The following PPFIA2 variants were observed in gnomAD, a reference collection of about 807,000 sequenced individuals.
PPFIA2 encodes PPFI scaffold protein A2.
A neutral mutation model predicts 175.5 loss-of-function variants in PPFIA2; 46 were observed. That is an observed-to-expected ratio of 0.26 (90% confidence interval 0.21 to 0.34). PPFIA2 has a LOEUF of 0.34. Ranked by LOEUF, PPFIA2 falls within the 10% of genes least tolerant of loss-of-function variation. The pLI is 1.00. For missense variants in PPFIA2, 1,179 were observed against 1,506.1 expected (o/e 0.78, Z 3.60); for synonymous variants, 568 against 511.4 (o/e 1.11, Z -1.49).
intron 29 of PPFIA2, 54 bp downstream of exon 29, chr12:81,267,858 G>A: frequency 6.8e-7 from 1 of 1,470,272 alleles, no homozygotes; most frequent in African/African-American, 1.5e-5. Flanking sequence ...TAAAAGTTTA[G>A]TTTATCATTA....
intron 4 of PPFIA2, among the ~76,000 whole-genome samples, chr12:81,464,053 C>T (rs1011707903): frequency 6.6e-6 from 1 of 151,998 alleles, no homozygotes; most frequent in Non-Finnish European, 1.5e-5. Context: ...CTTCCCCGCT[C>T]CCATCATTTT....
At chr12:81,261,494 A>T (rs1358172402) in intron 32 of PPFIA2, among the ~76,000 whole-genome samples, 2 of 152,156 alleles carry the variant, frequency 1.3e-5, no homozygotes, top group Middle Eastern at 3.4e-3. Context: ...TTTAATATGA[A>T]ACCATCTCTA....
intron 22 of PPFIA2, chr12:81,302,069 C>T (rs185525892): frequency 2.7e-5 from 8 of 298,334 alleles, no homozygotes; most frequent in South Asian, 8.3e-5. Context: ...TAAATAAATA[C>T]GTGTAAATGT....
chr12:81,699,806 T>C (rs565505342), intron 3 of PPFIA2, among the ~76,000 whole-genome samples: 7 of 152,218 alleles, frequency 4.6e-5, no homozygotes, highest in East Asian at 1.9e-4. Context: ...CTAGTCCATG[T>C]AGAACTAAAA....
chr12:81,296,212 G>A lies in PPFIA2; in HGVS notation c.2725-1177C>T, dbSNP rs562364508. Reference sequence around the variant, plus strand: ...CAGATGCCTGTAATTCCAGCTACGGGGGAGGCTGAGGCACGAGAATTGCTT... The same window carrying A: ...CAGATGCCTGTAATTCCAGCTACGGAGGAGGCTGAGGCACGAGAATTGCTT... On this transcript the variant is annotated intron_variant, in intron 23 of 32. Transcript: ENST00000549396. 9.2e-5 allele frequency among the ~76,000 whole-genome samples: 14 copies of A among 152,236 alleles called. No homozygotes were observed. In the South Asian group the frequency reaches 2.9e-3, roughly 32 times the overall value.
chr12:81,622,925 G>C (rs914259549), intron 4 of PPFIA2, among the ~76,000 whole-genome samples: 4 of 152,042 alleles, frequency 2.6e-5, no homozygotes, highest in African/African-American at 9.7e-5. Flanking sequence ...TAGTCCAGAA[G>C]AAAATTAAAC....
intron 5 of PPFIA2, among the ~76,000 whole-genome samples, chr12:81,453,690 A>T (rs116459946): frequency 0.015 from 2,293 of 152,172 alleles, 61 homozygotes; most frequent in African/African-American, 0.051. Context: ...TATTATAATG[A>T]TTTTATTAGG....
At chr12:81,754,259 G>T (rs934971767) in intron 2 of PPFIA2, 36 bp from the exon 3 acceptor site, 11 of 1,548,774 alleles carry the variant, frequency 7.1e-6, no homozygotes, top group African/African-American at 1.4e-5. Context: ...TCTTAGTAAA[G>T]AAATGATTTC....
At chr12:81,279,452 C>T (rs1207895999) in intron 27 of PPFIA2, 1 of 151,964 alleles carries the variant, frequency 6.6e-6, no homozygotes, top group African/African-American at 2.4e-5. Flanking sequence ...ACCAATGCTT[C>T]TTGGTCAGTT....
intron 4 of PPFIA2, among the ~76,000 whole-genome samples, chr12:81,665,459 T>C (rs533840770): frequency 6.6e-6 from 1 of 152,194 alleles, no homozygotes; most frequent in African/African-American, 2.4e-5. Flanking sequence ...AGTTCCTATT[T>C]CTTTGCTCAC....
In PPFIA2 at chr12:81,371,343, T is replaced by C. The variant is rs1179471541; in HGVS notation, c.1267-2149A>G. Among the ~76,000 whole-genome samples the C allele has an allele frequency of 1.1e-4, 6 of 53,650 alleles. No individual in the cohort carries two copies. The East Asian group carries it at 1.6e-3, about 14-fold the overall frequency. 35.2% of individuals were successfully genotyped at this position (53,650 alleles called of 152,430 possible). ...TTAGAGTAAGTGGATCAAAATGTTG[T>C]TGAAATTATATAATCTAAATTCATA... On this transcript the variant is annotated intron_variant, in intron 11 of 32. Coordinates refer to ENST00000549396, the MANE Select transcript of PPFIA2 (RefSeq NM_003625.5).
chr12:81,473,233 C>A (rs1303777193), intron 4 of PPFIA2, among the ~76,000 whole-genome samples: 4 of 152,110 alleles, frequency 2.6e-5, no homozygotes, highest in African/African-American at 9.7e-5. Context: ...CATGGTGAAA[C>A]CTTGTCTCTA....
chr12:81,297,896 T>A (rs1190241792), intron 23 of PPFIA2, among the ~76,000 whole-genome samples: 4 of 152,232 alleles, frequency 2.6e-5, no homozygotes, highest in African/African-American at 4.8e-5. Context: ...ATTGGATCAC[T>A]CAGCTCATTC....
intron 23 of PPFIA2, among the ~76,000 whole-genome samples, chr12:81,295,363 T>C (rs1195025921): frequency 6.6e-6 from 1 of 152,232 alleles, no homozygotes; most frequent in Non-Finnish European, 1.5e-5. Context: ...CCAGAACGGC[T>C]ACAAGCCACA....
intron 24 of PPFIA2, among the ~76,000 whole-genome samples, chr12:81,293,979 C>A (rs1014977512): frequency 6.6e-6 from 1 of 152,056 alleles, no homozygotes; most frequent in African/African-American, 2.4e-5. Flanking sequence ...AAACTAATGT[C>A]TTTTGTAGCA....
At chr12:81,506,131 G>A (rs1192799153) in intron 4 of PPFIA2, 2 of 152,232 alleles carry the variant, frequency 1.3e-5, no homozygotes, top group Admixed American at 6.5e-5. Context: ...GAACCAGAAT[G>A]AGGATGTCAG....
intron 4 of PPFIA2, among the ~76,000 whole-genome samples, chr12:81,615,441 A>C (rs1431120669): frequency 6.6e-6 from 1 of 152,182 alleles, no homozygotes; most frequent in Non-Finnish European, 1.5e-5. Flanking sequence ...AAGTGAATGC[A>C]AATAGAGAAA....
At chr12:81,580,550 TATAA>T (rs1314061333) in intron 4 of PPFIA2, among the ~76,000 whole-genome samples, 1 of 151,430 alleles carries the variant, frequency 6.6e-6, no homozygotes, top group African/African-American at 2.4e-5. Context: ...ACACATTAAA[TATAA>T]ATAAATATAT....
At chr12:81,370,201 C>T (rs1356016861) in intron 11 of PPFIA2, among the ~76,000 whole-genome samples, 1 of 151,714 alleles carries the variant, frequency 6.6e-6, no homozygotes, top group East Asian at 1.9e-4. Context: ...TATTCTAAAC[C>T]TTGCTCTGTA....
Sources: gnomAD v4.1 joint callset for allele counts (sites outside exome capture counted in the v4.1 genomes callset) on GRCh38, gnomAD v4.1.1 for gene constraint, MANE v1.5 for transcripts, NCBI Gene and HGNC (gene_info 2026-07-23, HGNC 2026-07-21) for gene names.